The following NUP214 variants were observed in gnomAD, a reference collection of about 807,000 sequenced individuals.
NUP214 encodes nuclear pore complex protein Nup214.
Under a neutral mutation model 196.2 loss-of-function variants are expected in NUP214, and 79 were observed. The observed-to-expected ratio is 0.40, with a 90% CI of 0.34 to 0.49. The LOEUF is 0.49. Ranked by LOEUF, NUP214 falls within the 20% of genes least tolerant of loss-of-function variation. NUP214 has a pLI of 0.58. For missense variants in NUP214, 2,468 were observed against 2,539.0 expected (o/e 0.97, Z 0.60); for synonymous variants, 1,020 against 990.5 (o/e 1.03, Z -0.56).
In NUP214 at chr9:131,218,760, C is replaced by A. The variant is rs1834475060; in HGVS notation, c.5749+3392C>A. Among the ~76,000 whole-genome samples, 4 of 152,086 alleles carry A rather than the reference C, an allele frequency of 2.6e-5. No homozygotes were observed. The South Asian group carries it at 8.3e-4, about 32-fold the overall frequency. On this transcript the variant is annotated intron_variant, in intron 31 of 35. Transcript: ENST00000359428. ...AAACCCTTGGGCAACTTCCCACTGA[C>A]TATAGGATAAAGATGAAATAAACTT...
chr9:131,172,960 T>A (rs1833000948), intron 21 of NUP214, among the ~76,000 whole-genome samples: 2 of 152,218 alleles, frequency 1.3e-5, no homozygotes, highest in Admixed American at 1.3e-4. Context: ...ATTCTGAAAT[T>A]TATGATAGAA....
At position 131,190,322 on chromosome 9, in the gene NUP214, C is replaced by G. The variant is rs1215743799; in HGVS notation, c.3574+1191C>G. On this transcript the variant is annotated intron_variant, in intron 26 of 35. Coordinates refer to ENST00000359428, the MANE Select transcript of NUP214 (RefSeq NM_005085.4). ...GACTTCATTGGAGAGGTTTTTGTCACTCTTGGAGTTAGAATCAAAGAAACC... is the reference window on the plus strand; with the variant it reads ...GACTTCATTGGAGAGGTTTTTGTCAGTCTTGGAGTTAGAATCAAAGAAACC... 14 of 577,172 alleles carry G rather than the reference C, an allele frequency of 2.4e-5. 1 individual carries two copies. The East Asian group carries it at 2.5e-4, about 10-fold the overall frequency. 35.8% of individuals were successfully genotyped at this position (577,172 alleles called of 1,614,324 possible). A position where few individuals can be genotyped will look rare whatever the true frequency, so the allele number is the denominator to read the frequency against.
Position 131,223,727 on chromosome 9 carries a change from A to ATTTAT in NUP214, c.5902+800_5902+801insATTTT. ...TTTTTTTATTTTTATTTATTTATTT[A>ATTTAT]TTTTTTTTTTTTTTTTTTTTTTTTT... is the stretch of plus-strand genomic sequence containing the variant. On this transcript the variant is annotated intron_variant, in intron 32 of 35. Coordinates refer to ENST00000359428, the MANE Select transcript of NUP214 (RefSeq NM_005085.4). 2.9e-3 allele frequency among the ~76,000 whole-genome samples: 46 copies of ATTTAT among 15,690 alleles called. 6 individuals are homozygous for ATTTAT. Among genetic ancestry groups the ATTTAT allele is most frequent in the Non-Finnish European group, 6.0e-3 (42 of 6,992 alleles). 10.3% of individuals were successfully genotyped at this position (15,690 alleles called of 152,430 possible).
intron 18 of NUP214, among the ~76,000 whole-genome samples, chr9:131,162,616 T>C (rs893027638): frequency 6.6e-6 from 1 of 152,168 alleles, no homozygotes; most frequent in South Asian, 2.1e-4. Flanking sequence ...TTTTTTTAAT[T>C]GAATATAATT....
chr9:131,228,157 C>A lies in NUP214; in HGVS notation c.5903-3C>A, dbSNP rs978685788. 3.2e-6 allele frequency: 5 copies of A among 1,573,170 alleles called. No individual in the cohort carries two copies. Among genetic ancestry groups the A allele is most frequent in the African/African-American group, 1.4e-5 (1 of 71,900 alleles). Reference sequence around the variant, plus strand: ...TCTGTTTGTTTGCCTCTGTTTTGCTCAGGTGGCTTCGGTGCTGCTCCAGTG... The same window carrying A: ...TCTGTTTGTTTGCCTCTGTTTTGCTAAGGTGGCTTCGGTGCTGCTCCAGTG... On this transcript the variant is annotated splice_polypyrimidine_tract_variant and splice_region_variant and intron_variant, in intron 32 of 35. Coordinates refer to ENST00000359428, the MANE Select transcript of NUP214 (RefSeq NM_005085.4).
Position 131,215,300 on chromosome 9 carries a change from G to A in NUP214, c.5681G>A (p.Ser1894Asn). ...GFFSGLGGKP[S>N]QDAANKNPFS... is the part of the protein sequence containing the mutation. ...TTCAGTGGCCTTGGAGGAAAACCCAGTCAGGATGCAGCCAACAAAAACCCA... is the reference window on the plus strand; with the variant it reads ...TTCAGTGGCCTTGGAGGAAAACCCAATCAGGATGCAGCCAACAAAAACCCA... Residue 1894 changes from serine to asparagine, a missense_variant, in exon 31 of 36, where the codon AGT becomes AAT. Coordinates refer to ENST00000359428, the MANE Select transcript of NUP214 (RefSeq NM_005085.4). The A allele has an allele frequency of 6.2e-7, 1 of 1,610,740 alleles. No individual in the cohort carries two copies. Among genetic ancestry groups the A allele is most frequent in the Non-Finnish European group, 8.5e-7 (1 of 1,178,436 alleles).
intron 21 of NUP214, 62 bp downstream of exon 21, chr9:131,164,206 T>TGC (rs1334934787): frequency 2.8e-6 from 4 of 1,440,296 alleles, no homozygotes; most frequent in African/African-American, 2.8e-5. Flanking sequence ...TGTGTGTGTG[T>TGC]GCGCGCGCAC....
At chr9:131,127,413 C>T in intron 1 of NUP214, 111 bp from the exon 2 acceptor site, 1 of 819,438 alleles carries the variant, frequency 1.2e-6, no homozygotes, top group Non-Finnish European at 2.0e-6. Flanking sequence ...TGAGACAGAC[C>T]TTGGTCTCAG....
At chr9:131,188,209 C>T (rs566478607) in intron 25 of NUP214, among the ~76,000 whole-genome samples, 1 of 152,178 alleles carries the variant, frequency 6.6e-6, no homozygotes, top group Non-Finnish European at 1.5e-5. Flanking sequence ...TCCTGCAATC[C>T]CTGTTTGTCA....
At chr9:131,225,423 AAAAG>A (rs1193771496) in intron 32 of NUP214, among the ~76,000 whole-genome samples, 2 of 152,234 alleles carry the variant, frequency 1.3e-5, no homozygotes, top group Non-Finnish European at 2.9e-5. Context: ...TGTCTCAAAA[AAAAG>A]AAAGAAAATC....
intron 22 of NUP214, 27 bp downstream of exon 22, chr9:131,174,345 GT>G: frequency 6.3e-7 from 1 of 1,576,816 alleles, no homozygotes; most frequent in Non-Finnish European, 8.6e-7. Flanking sequence ...AAAGGAAACT[GT>G]TTTTCCCTAT....
chr9:131,129,448 C>G lies in NUP214; in HGVS notation c.563C>G (p.Thr188Ser). Residue 188 changes from threonine (T) to serine (S), a missense_variant, in exon 4 of 36, where the codon ACT (threonine) becomes AGT (serine). Coordinates refer to ENST00000359428, the MANE Select transcript of NUP214 (RefSeq NM_005085.4). ...ACGGAAACAGTGAAAGTATGTGCAA[C>G]TCTTCCTTCCACGGTAGCAGTAACC... Reference protein sequence around the residue: ...QVTETVKVCATLPSTVAVTSV... With the variant: ...QVTETVKVCASLPSTVAVTSV... 3 of 1,614,188 alleles carry G rather than the reference C, an allele frequency of 1.9e-6. No homozygotes were observed. Among genetic ancestry groups the G allele is most frequent in the Non-Finnish European group, 2.5e-6 (3 of 1,180,024 alleles).
chr9:131,197,848 C>G lies in NUP214; in HGVS notation c.4354C>G (p.Pro1452Ala), dbSNP rs1454838348. The G allele has an allele frequency of 6.2e-7, 1 of 1,613,312 alleles. No homozygotes were observed. Among genetic ancestry groups the G allele is most frequent in the African/African-American group, 1.3e-5 (1 of 74,930 alleles). Residue 1452 changes from proline (P) to alanine (A), a missense_variant, in exon 29 of 36, where the codon CCA becomes GCA. Pro to Ala is a conservative substitution (Grantham distance 27, BLOSUM62 -1). Around this residue, in one of 5 missense-constraint regions of NUP214, gnomAD observed 1,801 missense variants for 1,779.4 expected, o/e 1.01. Coordinates refer to ENST00000359428, the MANE Select transcript of NUP214 (RefSeq NM_005085.4). Reference protein sequence around the residue: ...GSQQTNSTVPPSAPPPTTAAT... With the variant: ...GSQQTNSTVPASAPPPTTAAT... ...CCAACAGACCAATAGCACAGTGCCC[C>G]CATCTGCCCCACCACCAACTACAGC...
At position 131,160,527 on chromosome 9, in the gene NUP214, A is replaced by G. The variant is rs3808806; in HGVS notation, c.2540+1041A>G. On this transcript the variant is annotated intron_variant, in intron 18 of 35. Coordinates refer to ENST00000359428, the MANE Select transcript of NUP214 (RefSeq NM_005085.4). ...GTAGAATGTCATGCACCATGAGAGC[A>G]TGAAGTGCCCATTAGAAATTTGAAA... Among the ~76,000 whole-genome samples the G allele has an allele frequency of 1.2e-4, 18 of 152,362 alleles. No homozygotes were observed. The East Asian group carries it at 2.3e-3, about 20-fold the overall frequency.
chr9:131,206,816 T>C (rs1206053815), intron 30 of NUP214, among the ~76,000 whole-genome samples: 1 of 152,190 alleles, frequency 6.6e-6, no homozygotes, highest in Non-Finnish European at 1.5e-5. Flanking sequence ...AAGCACAATG[T>C]TGAGCCAAAG....
At chr9:131,153,220 C>CATCTCTGGT (rs1303312114) in intron 17 of NUP214, 1 of 152,156 alleles carries the variant, frequency 6.6e-6, no homozygotes, top group African/African-American at 2.4e-5. Context: ...CGTTCACTGG[C>CATCTCTGGT]ATCTCTGGTC....
At chr9:131,151,687 T>A in intron 16 of NUP214, 49 bp from the exon 17 acceptor site, 1 of 1,475,742 alleles carries the variant, frequency 6.8e-7, no homozygotes, top group Admixed American at 2.0e-5. Context: ...AACAGAAAGA[T>A]TTGGACGTAA....
chr9:131,229,439 C>A, intron 33 of NUP214: 1 of 304,564 alleles, frequency 3.3e-6, no homozygotes, highest in Non-Finnish European at 6.4e-6. Context: ...CAGTGATGAA[C>A]CAGCACACAG....
chr9:131,197,722 G>A lies in NUP214; in HGVS notation c.4228G>A (p.Val1410Ile), dbSNP rs370908198. 1.1e-5 allele frequency: 18 copies of A among 1,614,056 alleles called. No individual in the cohort carries two copies. The highest frequency in any genetic ancestry group is 5.3e-5 in the African/African-American group (4 of 74,924). ...PAATSTSSTAVFGSLPVTSAG... is the reference protein window; with the variant it reads ...PAATSTSSTAIFGSLPVTSAG... ...AGCCACCAGCACTTCCTCAACTGCCGTTTTTGGCAGTCTGCCAGTCACCAG... is the reference window on the plus strand; with the variant it reads ...AGCCACCAGCACTTCCTCAACTGCCATTTTTGGCAGTCTGCCAGTCACCAG... The change falls in exon 29 of 36, where the codon GTT (valine) becomes ATT (isoleucine). Residue 1410 changes from valine to isoleucine, a missense_variant. Transcript: ENST00000359428.
Sources: allele counts gnomAD v4.1 joint callset (sites outside exome capture counted in the v4.1 genomes callset), GRCh38; gene constraint gnomAD v4.1.1; regional missense constraint gnomAD v4.1.1; transcripts MANE v1.5; gene names NCBI Gene and HGNC (gene_info 2026-07-23, HGNC 2026-07-21).